FILIP1: variants seen among roughly 807,000 people sequenced by gnomAD.
The protein encoded by FILIP1 is filamin A interacting protein 1, also known as filamin-A-interacting protein 1.
FILIP1 carries 61 observed loss-of-function variants against 102.1 expected under a neutral mutation model. The ratio of observed to expected loss-of-function variants is 0.60; its 90% CI spans 0.49 to 0.74. The LOEUF is 0.74. Among genes scored for constraint, FILIP1 ranks in the 30% least tolerant of loss-of-function variants. The pLI, the probability that FILIP1 is intolerant of heterozygous loss-of-function variation, is 0.00. For synonymous variants in FILIP1, 491 were observed against 526.9 expected, an observed-to-expected ratio of 0.93 and a Z score of 0.93; for missense variants, 1,314 against 1,441.2, an observed-to-expected ratio of 0.91 and a Z score of 1.43.
chr6:75,365,365 TTTTTTG>T (rs1554203961), intron 2 of FILIP1, among the ~76,000 whole-genome samples: 1 of 16,200 alleles, frequency 6.2e-5, no homozygotes, highest in African/African-American at 2.3e-4. Context: ...TGTTTTTCTG[TTTTTTG>T]TTTTTGTTTT....
At chr6:75,336,125 G>A (rs950121149) in intron 4 of FILIP1, among the ~76,000 whole-genome samples, 5 of 152,120 alleles carry the variant, frequency 3.3e-5, no homozygotes, top group African/African-American at 1.2e-4. Flanking sequence ...TAATATGGAT[G>A]GGGAAACTGA....
At chr6:75,318,974 G>T (rs555379454) in intron 4 of FILIP1, 2 of 597,154 alleles carry the variant, frequency 3.3e-6, no homozygotes, top group Admixed American at 2.6e-5. Context: ...AGTGAGTTGT[G>T]TACAGGGAGG....
At chr6:75,396,754 G>A (rs112529090) in intron 2 of FILIP1, among the ~76,000 whole-genome samples, 2 of 152,052 alleles carry the variant, frequency 1.3e-5, no homozygotes, top group African/African-American at 4.8e-5. Context: ...GTTCTGGAGT[G>A]AGAAAGTGCA....
chr6:75,348,300 T>C (rs1264421602), intron 4 of FILIP1, among the ~76,000 whole-genome samples: 3 of 152,208 alleles, frequency 2.0e-5, no homozygotes, highest in Admixed American at 6.5e-5. Context: ...TGACTTGAAA[T>C]ATGGACGAAA....
chr6:75,438,801 TGGAAGCAA>T (rs1228592867), intron 1 of FILIP1, among the ~76,000 whole-genome samples: 1 of 152,188 alleles, frequency 6.6e-6, no homozygotes, highest in East Asian at 1.9e-4. Context: ...ATGCAACTAG[TGGAAGCAA>T]CTAGAATGTT....
chr6:75,482,725 A>G (rs1354596196), intron 1 of FILIP1, among the ~76,000 whole-genome samples: 1 of 152,346 alleles, frequency 6.6e-6, no homozygotes, highest in African/African-American at 2.4e-5. Context: ...GGTTTAGAGA[A>G]AACTGAGAAG....
intron 1 of FILIP1, among the ~76,000 whole-genome samples, chr6:75,441,818 G>A (rs542027741): frequency 6.7e-6 from 1 of 149,084 alleles, no homozygotes; most frequent in South Asian, 2.1e-4. Flanking sequence ...CGGACGGGGC[G>A]GCTGGCCGGG....
intron 2 of FILIP1, among the ~76,000 whole-genome samples, chr6:75,388,171 T>TTTATCACC (rs1441321772): frequency 6.6e-6 from 1 of 152,226 alleles, no homozygotes; most frequent in African/African-American, 2.4e-5. Flanking sequence ...TTTATCAGGT[T>TTTATCACC]TGTCAAAGAT....
At chr6:75,385,321 A>AT in intron 2 of FILIP1, among the ~76,000 whole-genome samples, 1 of 152,226 alleles carries the variant, frequency 6.6e-6, no homozygotes, top group South Asian at 2.1e-4. Flanking sequence ...GAAATGAGCA[A>AT]TTTTTGGCAA....
At chr6:75,317,747 A>C (rs1773491993) in intron 4 of FILIP1, among the ~76,000 whole-genome samples, 1 of 152,144 alleles carries the variant, frequency 6.6e-6, no homozygotes, top group Non-Finnish European at 1.5e-5. Flanking sequence ...CTTTCACCAC[A>C]TCTTAAACCA....
intron 1 of FILIP1, among the ~76,000 whole-genome samples, chr6:75,475,117 G>A (rs1377544589): frequency 1.3e-5 from 2 of 152,064 alleles, no homozygotes; most frequent in Admixed American, 6.6e-5. Flanking sequence ...ATGTCTTTAT[G>A]GCAATGCGAG....
intron 1 of FILIP1, among the ~76,000 whole-genome samples, chr6:75,492,983 C>A (rs530422350): frequency 6.6e-6 from 1 of 152,298 alleles, no homozygotes; most frequent in African/African-American, 2.4e-5. Flanking sequence ...AAACACCATG[C>A]GGGACTTTCC....
At chr6:75,437,343 G>A (rs1035467627) in intron 1 of FILIP1, among the ~76,000 whole-genome samples, 10 of 152,244 alleles carry the variant, frequency 6.6e-5, no homozygotes, top group African/African-American at 2.4e-4. Flanking sequence ...AATGGCCTCT[G>A]TAAAGAAAAC....
At chr6:75,341,163 T>G (rs950624484) in intron 4 of FILIP1, among the ~76,000 whole-genome samples, 16 of 151,656 alleles carry the variant, frequency 1.1e-4, no homozygotes, top group African/African-American at 3.1e-4. Context: ...TTTTGTTTTT[T>G]TTTTTTGGAT....
At chr6:75,454,366 T>TCTTCC (rs1778746777) in intron 1 of FILIP1, among the ~76,000 whole-genome samples, 1 of 152,202 alleles carries the variant, frequency 6.6e-6, no homozygotes. Flanking sequence ...GCAGCATCTC[T>TCTTCC]CTTCCCTCTA....
At chr6:75,465,487 G>GT (rs1779136158) in intron 1 of FILIP1, 1 of 970,796 alleles carries the variant, frequency 1.0e-6, no homozygotes, top group Admixed American at 1.9e-5. Context: ...CATCAAAGTT[G>GT]TCCTGCAAGA....
chr6:75,308,455 G>A lies in FILIP1; in HGVS notation c.*236C>T, dbSNP rs1304072678. ...GGTCCACTTGCTAGAAGCAAAACTG[G>A]AACTAGAAACCACGCCCTGGCTTCT... On this transcript the variant is annotated 3_prime_UTR_variant, in exon 6 of 6. Coordinates refer to ENST00000237172, the MANE Select transcript of FILIP1 (RefSeq NM_015687.5). The A allele has an allele frequency of 2.2e-6, 3 of 1,342,414 alleles. No individual in the cohort carries two copies. Among genetic ancestry groups the A allele is most frequent in the African/African-American group, 1.5e-5 (1 of 67,614 alleles). 83.2% of individuals were successfully genotyped at this position (1,342,414 alleles called of 1,614,324 possible).
intron 2 of FILIP1, among the ~76,000 whole-genome samples, chr6:75,381,791 G>A (rs1775913102): frequency 6.6e-6 from 1 of 152,098 alleles, no homozygotes. Context: ...CTCTAGCATG[G>A]AGAAAATTCC....
At chr6:75,391,976 G>A (rs1582436825) in intron 2 of FILIP1, among the ~76,000 whole-genome samples, 1 of 152,210 alleles carries the variant, frequency 6.6e-6, no homozygotes, top group East Asian at 1.9e-4. Flanking sequence ...GTCTATTGCT[G>A]AATTCAATGG....
Sources: allele counts gnomAD v4.1 joint callset (sites outside exome capture counted in the v4.1 genomes callset), GRCh38; gene constraint gnomAD v4.1.1; transcripts MANE v1.5; gene names NCBI Gene and HGNC (gene_info 2026-07-23, HGNC 2026-07-21).